Variants in ANKRD44 observed in about 807,000 individuals in gnomAD.
ANKRD44 encodes the protein serine/threonine-protein phosphatase 6 regulatory ankyrin repeat subunit B.
A neutral mutation model predicts 116.0 loss-of-function variants in ANKRD44; 35 were observed. That is an observed-to-expected ratio of 0.30 (90% confidence interval 0.23 to 0.40). The LOEUF is 0.40. Among genes scored for constraint, ANKRD44 ranks in the 10% least tolerant of loss-of-function variants. The probability of loss-of-function intolerance (pLI) is 1.00; values close to 1 mark genes in which losing one functional copy is unlikely to be tolerated. For synonymous variants in ANKRD44, 435 were observed against 461.8 expected (o/e 0.94, Z 0.74); for missense variants, 1,014 against 1,242.6 (o/e 0.82, Z 2.77).
chr2:196,976,184 T>G (rs2075758975), intron 21 of ANKRD44, among the ~76,000 whole-genome samples: 1 of 152,034 alleles, frequency 6.6e-6, no homozygotes, highest in Non-Finnish European at 1.5e-5. Context: ...CAGGTTGGAG[T>G]GCAGTGCAGT....
At chr2:197,149,185 G>A (rs192949141) in intron 2 of ANKRD44, among the ~76,000 whole-genome samples, 2 of 152,278 alleles carry the variant, frequency 1.3e-5, no homozygotes, top group East Asian at 3.9e-4. Context: ...TGGTTTCAGG[G>A]TTTGGTTCAA....
intron 1 of ANKRD44, among the ~76,000 whole-genome samples, chr2:197,195,190 A>G (rs2080918810): frequency 6.6e-6 from 1 of 152,200 alleles, no homozygotes; most frequent in Non-Finnish European, 1.5e-5. Flanking sequence ...TATGTTGCCC[A>G]GGCTGCTCTT....
intron 16 of ANKRD44, among the ~76,000 whole-genome samples, chr2:197,042,308 G>A (rs2076924701): frequency 6.6e-6 from 1 of 152,036 alleles, no homozygotes; most frequent in African/African-American, 2.4e-5. Context: ...CACTTTCTGT[G>A]AGCTTTTAGA....
Position 196,987,648 on chromosome 2 carries a change from C to A in ANKRD44, c.*1943G>T. On this transcript the variant is annotated 3_prime_UTR_variant, in exon 28 of 28. Coordinates refer to ENST00000282272, the MANE Select transcript of ANKRD44 (RefSeq NM_001195144.2). Reference sequence around the variant, plus strand: ...CTTTTAGTAGTGATAAATAGAAATACCCTGAGCTATTTACTGTAGAATCAT... The same window carrying A: ...CTTTTAGTAGTGATAAATAGAAATAACCTGAGCTATTTACTGTAGAATCAT... The A allele has an allele frequency of 2.0e-6, 2 of 985,184 alleles. No individual in the cohort carries two copies. Among genetic ancestry groups the A allele is most frequent in the East Asian group, 1.1e-4 (1 of 8,826 alleles). 61.0% of individuals were successfully genotyped at this position (985,184 alleles called of 1,614,324 possible). A position where few individuals can be genotyped will look rare whatever the true frequency, so the allele number is the denominator to read the frequency against.
intron 1 of ANKRD44, among the ~76,000 whole-genome samples, chr2:197,309,586 A>C (rs2084178234): frequency 6.6e-6 from 1 of 152,226 alleles, no homozygotes; most frequent in Admixed American, 6.5e-5. Flanking sequence ...AGGGCTGGCA[A>C]GTCTGACCCT....
intron 2 of ANKRD44, among the ~76,000 whole-genome samples, chr2:197,185,888 T>TA (rs2125596711): frequency 6.6e-6 from 1 of 152,220 alleles, no homozygotes; most frequent in South Asian, 2.1e-4. Context: ...AAACTTTCCC[T>TA]AAAAAAACAG....
intron 1 of ANKRD44, among the ~76,000 whole-genome samples, chr2:197,202,801 C>T (rs1040517771): frequency 3.3e-5 from 5 of 151,820 alleles, no homozygotes; most frequent in African/African-American, 1.2e-4. Flanking sequence ...TGGTCTTGAA[C>T]TCCTGGGCTC....
At chr2:197,038,334 TAA>T (rs66905387) in intron 16 of ANKRD44, among the ~76,000 whole-genome samples, 89,248 of 151,792 alleles carry the variant, frequency 0.59, 28,724 homozygotes, top group East Asian at 0.8. Context: ...CTTAGAAAAA[TAA>T]AAGTCTTATA....
chr2:196,991,872 G>A (rs567373268), intron 27 of ANKRD44, among the ~76,000 whole-genome samples: 6 of 152,150 alleles, frequency 3.9e-5, no homozygotes, highest in South Asian at 4.1e-4. Flanking sequence ...GATTAAAGGC[G>A]TGAGCCATCA....
At chr2:197,129,169 C>T (rs1407458180) in intron 4 of ANKRD44, among the ~76,000 whole-genome samples, 7 of 150,432 alleles carry the variant, frequency 4.7e-5, no homozygotes, top group African/African-American at 1.5e-4. Context: ...TAGAGTCTTG[C>T]TCTTTCGCCC....
At chr2:197,064,677 A>T (rs1223936408) in intron 16 of ANKRD44, among the ~76,000 whole-genome samples, 1 of 152,232 alleles carries the variant, frequency 6.6e-6, no homozygotes, top group Non-Finnish European at 1.5e-5. Flanking sequence ...AACAGACTTT[A>T]AACCAACAAA....
chr2:197,069,689 A>G (rs2077518681), intron 16 of ANKRD44, among the ~76,000 whole-genome samples: 1 of 152,118 alleles, frequency 6.6e-6, no homozygotes, highest in South Asian at 2.1e-4. Context: ...AATTAGGTAG[A>G]CTGATTTTTC....
intron 3 of ANKRD44, among the ~76,000 whole-genome samples, chr2:197,137,496 T>C (rs970685028): frequency 3.3e-5 from 5 of 152,170 alleles, no homozygotes; most frequent in African/African-American, 1.2e-4. Context: ...AGCTGATAGC[T>C]GGAAAATAGA....
At chr2:197,129,813 T>C (rs2079057980) in intron 4 of ANKRD44, among the ~76,000 whole-genome samples, 2 of 152,210 alleles carry the variant, frequency 1.3e-5, no homozygotes, top group South Asian at 2.1e-4. Context: ...CTCTCAAATG[T>C]GCATTGCATT....
chr2:197,072,297 A>G (rs1456783831), intron 16 of ANKRD44, among the ~76,000 whole-genome samples: 1 of 152,062 alleles, frequency 6.6e-6, no homozygotes. Flanking sequence ...CTCCCTATCC[A>G]TCTGGAAGAA....
In ANKRD44 at chr2:197,053,505, T is replaced by C. The variant is rs561800679; in HGVS notation, c.1650+25198A>G. 2.6e-5 allele frequency among the ~76,000 whole-genome samples: 4 copies of C among 152,084 alleles called. No individual in the cohort carries two copies. In the East Asian group the frequency reaches 5.8e-4, roughly 22 times the overall value. ...ACACTGATATCCTTCTAAAAAAAAATGGACTTTTGCTCTTGTTGCCCAGGT... is the reference window on the plus strand; with the variant it reads ...ACACTGATATCCTTCTAAAAAAAAACGGACTTTTGCTCTTGTTGCCCAGGT... On this transcript the variant is annotated intron_variant, in intron 16 of 27. Coordinates refer to ENST00000282272, the MANE Select transcript of ANKRD44 (RefSeq NM_001195144.2).
At chr2:197,263,363 C>A in intron 1 of ANKRD44, 1 of 638,532 alleles carries the variant, frequency 1.6e-6, no homozygotes, top group Admixed American at 2.3e-5. Flanking sequence ...GTTGGGGTGG[C>A]GGGCTCTGGG....
At chr2:197,005,567 T>C in intron 21 of ANKRD44, 127 bp downstream of exon 21, 1 of 845,220 alleles carries the variant, frequency 1.2e-6, no homozygotes, top group Middle Eastern at 3.5e-4. Flanking sequence ...ACAAAAAAGA[T>C]ATCTTGGATG....
intron 18 of ANKRD44, among the ~76,000 whole-genome samples, chr2:197,012,616 T>C (rs1228613191): frequency 6.6e-6 from 1 of 152,162 alleles, no homozygotes; most frequent in Non-Finnish European, 1.5e-5. Context: ...CTCTGTATTG[T>C]TTTTCTTCAG....
Sources: allele counts gnomAD v4.1 joint callset (sites outside exome capture counted in the v4.1 genomes callset), GRCh38; gene constraint gnomAD v4.1.1; transcripts MANE v1.5; gene names NCBI Gene and HGNC (gene_info 2026-07-23, HGNC 2026-07-21).